The following LYZL1 variants were observed in gnomAD, a reference collection of about 807,000 sequenced individuals.
LYZL1 encodes lysozyme-like protein 1.
In LYZL1, 16 loss-of-function variants were observed where a neutral mutation model predicts 17.9. The observed-to-expected ratio is 0.90, with a 90% CI of 0.61 to 1.36. The LOEUF is 1.36. LYZL1 is among the 40% of genes most tolerant of loss of function. The pLI, the probability that LYZL1 is intolerant of heterozygous loss-of-function variation, is 0.00. For synonymous variants in LYZL1, 58 were observed against 71.8 expected, an observed-to-expected ratio of 0.81 and a Z score of 0.97; for missense variants, 149 against 188.4, an observed-to-expected ratio of 0.79 and a Z score of 1.22.
chr10:29,308,147 T>C (rs1039262674), intron 3 of LYZL1, among the ~76,000 whole-genome samples: 6 of 152,248 alleles, frequency 3.9e-5, no homozygotes, highest in African/African-American at 1.4e-4. Context: ...CCAGATCCCC[T>C]GCTAAGGAAA....
chr10:29,289,627 C>T (rs1430695815), intron 1 of LYZL1, among the ~76,000 whole-genome samples: 1 of 151,884 alleles, frequency 6.6e-6, no homozygotes, highest in African/African-American at 2.4e-5. Context: ...CTTTGCTGCC[C>T]AGGCTAGTCT....
chr10:29,302,342 G>A (rs115402174), intron 3 of LYZL1, among the ~76,000 whole-genome samples: 2 of 152,180 alleles, frequency 1.3e-5, no homozygotes, highest in Non-Finnish European at 2.9e-5. Flanking sequence ...TGTAAGTTAG[G>A]TGCAGAATGG....
At position 29,311,023 on chromosome 10, in the gene LYZL1, C is replaced by A. The variant is rs760031037; in HGVS notation, c.411C>A (p.Asp137Glu). The A allele has an allele frequency of 6.2e-7, 1 of 1,614,194 alleles. No individual in the cohort carries two copies. Among genetic ancestry groups the A allele is most frequent in the Non-Finnish European group, 8.5e-7 (1 of 1,180,046 alleles). ...QGWKKHCEGR[D>E]LSEWKKGCEV... ...GGAAGAAACATTGTGAGGGCAGAGA[C>A]CTGTCCGAGTGGAAAAAAGGCTGTG... The change falls in exon 5 of 5, where the codon GAC becomes GAA. Residue 137 changes from aspartate to glutamate, a missense_variant. Physicochemically the swap from Asp to Glu is conservative, Grantham distance 45. This residue lies in a region of LYZL1 where 130 missense variants were observed against 132.5 expected (regional missense o/e 0.98). Coordinates refer to ENST00000649382, the MANE Select transcript of LYZL1 (RefSeq NM_032517.6).
At chr10:29,295,488 G>C (rs1464532280) in intron 3 of LYZL1, among the ~76,000 whole-genome samples, 1 of 152,168 alleles carries the variant, frequency 6.6e-6, no homozygotes, top group African/African-American at 2.4e-5. Context: ...GAGTCTTTCA[G>C]TTAAATATGA....
chr10:29,298,791 C>T (rs7075590), intron 3 of LYZL1, among the ~76,000 whole-genome samples: 2,570 of 152,120 alleles, frequency 0.017, 87 homozygotes, highest in African/African-American at 0.058. Flanking sequence ...CTATATCAGC[C>T]GTCCCCAACC....
intron 4 of LYZL1, chr10:29,317,559 GCAAA>G (rs1207130711): frequency 2.0e-5 from 3 of 152,230 alleles, no homozygotes; most frequent in Non-Finnish European, 2.9e-5. Context: ...CAATAGCTGT[GCAAA>G]CAGAGTGGGG....
intron 3 of LYZL1, among the ~76,000 whole-genome samples, chr10:29,300,512 C>G (rs915806866): frequency 3.9e-5 from 6 of 151,966 alleles, no homozygotes; most frequent in African/African-American, 1.5e-4. Flanking sequence ...TTGCTTTAAA[C>G]AATTGTCTTT....
chr10:29,303,371 C>T (rs762504081), intron 3 of LYZL1, among the ~76,000 whole-genome samples: 3 of 152,154 alleles, frequency 2.0e-5, no homozygotes, highest in Non-Finnish European at 4.4e-5. Context: ...CTGTGTTTTT[C>T]TCTCTCTCAA....
At chr10:29,290,841 A>AAAATAAATAAAT (rs147253753) in intron 1 of LYZL1, among the ~76,000 whole-genome samples, 3,215 of 151,828 alleles carry the variant, frequency 0.021, 53 homozygotes, top group Middle Eastern at 0.11. Context: ...TCCATCTCAA[A>AAAATAAATAAAT]AAATAAATAA....
At chr10:29,295,314 A>T (rs1275836281) in intron 3 of LYZL1, among the ~76,000 whole-genome samples, 1 of 152,250 alleles carries the variant, frequency 6.6e-6, no homozygotes, top group East Asian at 1.9e-4. Flanking sequence ...TGTTACACAT[A>T]AAAACTTATT....
chr10:29,308,523 T>C (rs1284460486), intron 3 of LYZL1, among the ~76,000 whole-genome samples: 1 of 152,194 alleles, frequency 6.6e-6, no homozygotes, highest in Non-Finnish European at 1.5e-5. Context: ...ACAGAAGTGA[T>C]ATTGGACTTT....
chr10:29,299,268 C>T (rs1835485932), intron 3 of LYZL1, among the ~76,000 whole-genome samples: 1 of 152,164 alleles, frequency 6.6e-6, no homozygotes, highest in African/African-American at 2.4e-5. Context: ...TGGTTCCTAA[C>T]AGACAATGGA....
chr10:29,296,386 C>T (rs1057505139), intron 3 of LYZL1, among the ~76,000 whole-genome samples: 1 of 152,126 alleles, frequency 6.6e-6, no homozygotes, highest in Non-Finnish European at 1.5e-5. Context: ...AAATCAGTAG[C>T]ATTAGCTACT....
chr10:29,316,192 G>A (rs1835727654), downstream of LYZL1, among the ~76,000 whole-genome samples: 1 of 152,194 alleles, frequency 6.6e-6, no homozygotes, highest in Non-Finnish European at 1.5e-5. Flanking sequence ...AGGGCAGGAA[G>A]GCAGCTTCAC....
At chr10:29,293,200 A>G (rs1212582831) in intron 3 of LYZL1, among the ~76,000 whole-genome samples, 2 of 130,966 alleles carry the variant, frequency 1.5e-5, no homozygotes, top group African/African-American at 2.9e-5. Flanking sequence ...TGATGTGATC[A>G]TAGCTCATTG....
At chr10:29,290,626 G>C (rs1468999706) in intron 1 of LYZL1, among the ~76,000 whole-genome samples, 2 of 152,204 alleles carry the variant, frequency 1.3e-5, no homozygotes, top group African/African-American at 4.8e-5. Flanking sequence ...AGATCACAAG[G>C]TCAGGAGTTT....
chr10:29,290,977 A>G (rs1232076569), intron 1 of LYZL1, among the ~76,000 whole-genome samples: 3 of 152,210 alleles, frequency 2.0e-5, no homozygotes, highest in African/African-American at 7.2e-5. Flanking sequence ...TAACCCTTAA[A>G]GTTTTCCATA....
intron 3 of LYZL1, among the ~76,000 whole-genome samples, chr10:29,306,358 G>C (rs1249337991): frequency 1.4e-5 from 2 of 138,140 alleles, no homozygotes; most frequent in African/African-American, 2.7e-5. Context: ...AGACCATCCC[G>C]GCTAAAACGG....
chr10:29,306,663 G>T (rs1193981241), intron 3 of LYZL1, among the ~76,000 whole-genome samples: 1 of 151,202 alleles, frequency 6.6e-6, no homozygotes, highest in African/African-American at 2.4e-5. Context: ...GCTTTAGTGA[G>T]GTATAATTGA....
Sources: allele counts gnomAD v4.1 joint callset (sites outside exome capture counted in the v4.1 genomes callset), GRCh38; gene constraint gnomAD v4.1.1; regional missense constraint gnomAD v4.1.1; transcripts MANE v1.5; gene names NCBI Gene and HGNC (gene_info 2026-07-23, HGNC 2026-07-21).